Variants in AGPS observed in about 807,000 individuals in gnomAD.
The protein encoded by AGPS is alkylglycerone phosphate synthase, also known as alkyldihydroxyacetonephosphate synthase, peroxisomal.
Under a neutral mutation model 90.7 loss-of-function variants are expected in AGPS, and 26 were observed. That is an observed-to-expected ratio of 0.29 (90% CI 0.21 to 0.40). The LOEUF is 0.40. Among genes scored for constraint, AGPS ranks in the 10% least tolerant of loss-of-function variants. The probability of loss-of-function intolerance (pLI) is 1.00; values close to 1 mark genes in which losing one functional copy is unlikely to be tolerated. For synonymous variants in AGPS, 294 were observed against 285.3 expected (o/e 1.03, Z -0.31); for missense variants, 540 against 816.1 (o/e 0.66, Z 4.12).
chr2:177,392,988 G>GCCACGGCAGCGC lies in AGPS; in HGVS notation c.207_218dup (p.Ala70_Ala73dup), dbSNP rs1338849000. ...CAAAGCGCGGAGAGCCGCGTCGGCG[G>GCCACGGCAGCGC]CCACGGCAGCGCCCACGGCCACTCC... On this transcript the variant is annotated inframe_insertion, in exon 1 of 20. Transcript: ENST00000264167. 1.5e-5 allele frequency: 24 copies of GCCACGGCAGCGC among 1,550,070 alleles called. No individual in the cohort carries two copies. The highest frequency in any genetic ancestry group is 1.9e-5 in the Non-Finnish European group (22 of 1,146,636).
At chr2:177,523,197 A>G (rs1055994025) in intron 18 of AGPS, among the ~76,000 whole-genome samples, 1 of 152,238 alleles carries the variant, frequency 6.6e-6, no homozygotes, top group African/African-American at 2.4e-5. Flanking sequence ...TAAAGACTCT[A>G]ATAGCTTTAT....
intron 9 of AGPS, among the ~76,000 whole-genome samples, chr2:177,464,367 G>T (rs1414756561): frequency 6.6e-6 from 1 of 152,038 alleles, no homozygotes. Context: ...AATACATGTG[G>T]CTACAATGGA....
At chr2:177,449,419 G>A (rs1165353029) in intron 8 of AGPS, among the ~76,000 whole-genome samples, 1 of 151,978 alleles carries the variant, frequency 6.6e-6, no homozygotes, top group Non-Finnish European at 1.5e-5. Context: ...TCTTATTGTA[G>A]GTTTGTTTTG....
chr2:177,485,358 A>G (rs949515124), intron 11 of AGPS, among the ~76,000 whole-genome samples: 8 of 152,220 alleles, frequency 5.3e-5, no homozygotes, highest in African/African-American at 1.9e-4. Context: ...AAATGTATCA[A>G]AATACTAAGT....
intron 8 of AGPS, 84 bp downstream of exon 8, chr2:177,445,710 A>G: frequency 1.1e-6 from 1 of 922,136 alleles, no homozygotes; most frequent in Non-Finnish European, 1.6e-6. Flanking sequence ...AAAGTTTTCA[A>G]AACTGTATCC....
intron 14 of AGPS, among the ~76,000 whole-genome samples, chr2:177,500,325 C>T (rs1471556499): frequency 6.6e-6 from 1 of 151,898 alleles, no homozygotes; most frequent in African/African-American, 2.4e-5. Flanking sequence ...GTGAAAATGC[C>T]ATTTATCAGG....
At chr2:177,407,457 G>A (rs1262814223) in intron 1 of AGPS, among the ~76,000 whole-genome samples, 1 of 152,154 alleles carries the variant, frequency 6.6e-6, no homozygotes, top group African/African-American at 2.4e-5. Flanking sequence ...TACAATCATG[G>A]CAGAAGATGA....
intron 10 of AGPS, among the ~76,000 whole-genome samples, chr2:177,472,899 T>G (rs1217777848): frequency 6.6e-6 from 1 of 152,190 alleles, no homozygotes; most frequent in Non-Finnish European, 1.5e-5. Flanking sequence ...CATTTCTGGT[T>G]CCTTCCATTT....
intron 6 of AGPS, 151 bp downstream of exon 6, chr2:177,441,187 G>A: frequency 1.5e-6 from 1 of 684,008 alleles, no homozygotes. Flanking sequence ...GCTCATTTTT[G>A]TTCTAAGTAG....
chr2:177,482,934 C>T (rs1247184698), intron 11 of AGPS, among the ~76,000 whole-genome samples: 2 of 152,026 alleles, frequency 1.3e-5, no homozygotes, highest in African/African-American at 4.8e-5. Flanking sequence ...CAACTTTTCC[C>T]AGCAGGGAGG....
intron 17 of AGPS, among the ~76,000 whole-genome samples, chr2:177,518,705 A>T (rs1209259667): frequency 2.6e-5 from 3 of 117,410 alleles, no homozygotes; most frequent in African/African-American, 9.9e-5. Context: ...CTGTCTGTAT[A>T]TGAGTCTATC....
At chr2:177,403,176 A>G (rs1249191218) in intron 1 of AGPS, among the ~76,000 whole-genome samples, 1 of 152,258 alleles carries the variant, frequency 6.6e-6, no homozygotes, top group Non-Finnish European at 1.5e-5. Flanking sequence ...CTACTGGGAC[A>G]TGTAGGTCTA....
intron 3 of AGPS, among the ~76,000 whole-genome samples, chr2:177,435,381 AT>A (rs1053809211): frequency 2.6e-5 from 4 of 151,872 alleles, no homozygotes; most frequent in Admixed American, 6.6e-5. Flanking sequence ...TATCTCTTAA[AT>A]TCTCTCTCTC....
rs1201994217 is a variant in AGPS at position 177,434,411 on chromosome 2, C to G, written c.435C>G (p.Thr145=). 1.3e-5 allele frequency: 21 copies of G among 1,609,354 alleles called. No individual in the cohort carries two copies. The highest frequency in any genetic ancestry group is 1.8e-5 in the Non-Finnish European group (21 of 1,176,698). ...GAGTAAATGTGGAGCATAAAACTAC[C>G]TCTAAAGTAAGCAAACAAAAATTAT... The part of the protein sequence containing the change: ...TLGVNVEHKT[T]SKASLNPSDT... Residue 145 remains threonine (T), a synonymous_variant, in exon 3 of 20, where the codon ACC becomes ACG. Coordinates refer to ENST00000264167, the MANE Select transcript of AGPS (RefSeq NM_003659.4).
chr2:177,440,946 T>G lies in AGPS; in HGVS notation c.638-19T>G. On this transcript the variant is annotated intron_variant, in intron 5 of 19. Transcript: ENST00000264167. ...TATTTATGCCTCTGTAATTAATTTATTTTCCCTTTTTTCAACAGCATGCCA... is the reference window on the plus strand; with the variant it reads ...TATTTATGCCTCTGTAATTAATTTAGTTTCCCTTTTTTCAACAGCATGCCA... 1 of 1,605,342 alleles carries G rather than the reference T, an allele frequency of 6.2e-7. No homozygotes were observed. The highest frequency in any genetic ancestry group is 1.1e-5 in the South Asian group (1 of 90,810).
chr2:177,502,595 ATG>A (rs950757394), intron 14 of AGPS, among the ~76,000 whole-genome samples: 1 of 150,270 alleles, frequency 6.7e-6, no homozygotes. Context: ...TTTTGTGTGT[ATG>A]TGTGTGTGTG....
chr2:177,417,906 G>A (rs1317029943), intron 1 of AGPS, among the ~76,000 whole-genome samples: 2 of 152,216 alleles, frequency 1.3e-5, no homozygotes, highest in Admixed American at 6.5e-5. Context: ...GTTAGAATAT[G>A]TGTACATAAA....
chr2:177,434,630 T>A (rs1686342699), intron 3 of AGPS, among the ~76,000 whole-genome samples: 1 of 152,168 alleles, frequency 6.6e-6, no homozygotes, highest in Non-Finnish European at 1.5e-5. Context: ...TATTTGAGAT[T>A]TATCTGGCAA....
At chr2:177,475,570 T>A (rs1358167832) in intron 10 of AGPS, among the ~76,000 whole-genome samples, 1 of 152,218 alleles carries the variant, frequency 6.6e-6, no homozygotes, top group Non-Finnish European at 1.5e-5. Flanking sequence ...TAATATGTAA[T>A]CTTATGACTG....
Sources: gnomAD v4.1 joint callset for allele counts (sites outside exome capture counted in the v4.1 genomes callset) on GRCh38, gnomAD v4.1.1 for gene constraint, MANE v1.5 for transcripts, NCBI Gene and HGNC (gene_info 2026-07-23, HGNC 2026-07-21) for gene names.